The following AR variants were observed in gnomAD, a reference collection of about 807,000 sequenced individuals.
AR encodes the protein androgen receptor.
In AR, 8 loss-of-function variants were observed where a neutral mutation model predicts 53.9. The ratio of observed to expected loss-of-function variants is 0.15; its 90% CI spans 0.09 to 0.27. The LOEUF is 0.27. Ranked by LOEUF, AR falls within the 10% of genes least tolerant of loss-of-function variation. The probability of loss-of-function intolerance (pLI) is 1.00; values close to 1 mark genes in which losing one functional copy is unlikely to be tolerated. For missense variants in AR, 639 were observed against 742.5 expected (o/e 0.86, Z 1.62); for synonymous variants, 359 against 316.4 (o/e 1.13, Z -1.43).
At chrX:67,690,162 T>G (rs1325825666) in intron 3 of AR, among the ~76,000 whole-genome samples, 1 of 112,037 alleles carries the variant, frequency 8.9e-6, no homozygotes, top group Admixed American at 9.5e-5. Context: ...ACCTAGACCA[T>G]GTGAGAACCT....
intron 5 of AR, among the ~76,000 whole-genome samples, chrX:67,718,648 C>T (rs912224262): frequency 7.2e-5 from 8 of 110,438 alleles, no homozygotes. Flanking sequence ...TTTTTTTCCC[C>T]GAGATGGGGT....
At chrX:67,691,315 C>T (rs1257447531) in intron 3 of AR, among the ~76,000 whole-genome samples, 2 of 112,229 alleles carry the variant, frequency 1.8e-5, no homozygotes, top group African/African-American at 6.5e-5. Context: ...AGCCAGTTTC[C>T]TTGGTCTAGG....
Position 67,545,604 on chromosome X carries a change from C to A in AR, c.458C>A (p.Pro153Gln). The A allele has an allele frequency of 8.4e-7, 1 of 1,188,083 alleles. No individual in the cohort carries two copies. The highest frequency in any genetic ancestry group is 3.1e-5 in the East Asian group (1 of 32,570). ...CTGCCGCAGCAGCTGCCAGCACCTC[C>A]GGACGAGGATGACTCAGCTGCCCCA... ...KGLPQQLPAP[P>Q]DEDDSAAPST... The change falls in exon 1 of 8, where the codon CCG becomes CAG. Residue 153 changes from proline to glutamine, a missense_variant. Physicochemically the swap from Pro to Gln is moderately conservative, Grantham distance 76. Transcript: ENST00000374690.
intron 1 of AR, among the ~76,000 whole-genome samples, chrX:67,590,037 G>A (rs988826115): frequency 1.4e-4 from 16 of 111,435 alleles, no homozygotes; most frequent in African/African-American, 5.2e-4. Flanking sequence ...AAGCTACCTA[G>A]TCCAAAGTAC....
intron 1 of AR, among the ~76,000 whole-genome samples, chrX:67,577,335 T>C (rs901732831): frequency 1.8e-5 from 2 of 111,562 alleles, no homozygotes; most frequent in African/African-American, 6.5e-5. Context: ...TAATATTCCA[T>C]TGTATTAATG....
In AR at chrX:67,670,147, A is replaced by G. The variant is rs1204927281; in HGVS notation, c.1769-15863A>G. 9.1e-5 allele frequency among the ~76,000 whole-genome samples: 8 copies of G among 88,317 alleles called. No homozygotes were observed. In the East Asian group the frequency reaches 3.0e-3, roughly 33 times the overall value. 76.7% of individuals were successfully genotyped at this position (88,317 alleles called of 115,157 possible). ...GCCACCTGAGAAGTGTACATTACCC[A>G]TATATTATATATATACTATATATGC... On this transcript the variant is annotated intron_variant, in intron 2 of 7. Transcript: ENST00000374690.
rs896694278 is a variant in AR, at chrX:67,556,053, A to G, written c.1616+9291A>G. On this transcript the variant is annotated intron_variant, in intron 1 of 7. Coordinates refer to ENST00000374690, the MANE Select transcript of AR (RefSeq NM_000044.6). The stretch of plus-strand genomic sequence containing the variant: ...ACAGTGACACTGGATATATTCAAGT[A>G]GCACTGTCCAGTTTATAGAGAAGTT... Among the ~76,000 whole-genome samples the G allele has an allele frequency of 2.7e-5, 3 of 112,725 alleles. No individual in the cohort carries two copies. In the South Asian group the frequency reaches 1.1e-3, roughly 41 times the overall value.
In AR at chrX:67,726,571, G is replaced by A. The variant is rs897951001; in HGVS notation, c.*2730G>A. On this transcript the variant is annotated 3_prime_UTR_variant, in exon 8 of 8. Coordinates refer to ENST00000374690, the MANE Select transcript of AR (RefSeq NM_000044.6). The stretch of plus-strand genomic sequence containing the variant: ...GCAAAAGCCAAAAATCAGTGAAACA[G>A]CAGTGTAATTAAAAGCAACAACTGG... 2.3e-5 allele frequency: 4 copies of A among 174,222 alleles called. No individual in the cohort carries two copies. Among genetic ancestry groups the A allele is most frequent in the African/African-American group, 1.2e-4 (4 of 33,969 alleles). The allele number at this position is 174,222 out of a possible 1,213,427, so 14.4% of individuals were successfully genotyped here.
chrX:67,674,976 A>G (rs1320022696), intron 2 of AR, among the ~76,000 whole-genome samples: 1 of 111,110 alleles, frequency 9.0e-6, no homozygotes, highest in African/African-American at 3.3e-5. Flanking sequence ...CACACTGATT[A>G]TTCAGGGCCC....
chrX:67,723,312 CTGTGTGTGTGTGTGTGTGTG>C (rs796606484), intron 7 of AR, among the ~76,000 whole-genome samples: 1 of 78,009 alleles, frequency 1.3e-5, no homozygotes, highest in African/African-American at 5.4e-5. Context: ...GTTTGTCTGT[CTGTGTGTGTGTGTGTGTGTG>C]TGTGTGTGTG....
At chrX:67,720,910 G>T (rs976844649) in intron 5 of AR, among the ~76,000 whole-genome samples, 28 of 107,087 alleles carry the variant, frequency 2.6e-4, no homozygotes, top group Non-Finnish European at 5.2e-4. Context: ...ACACACACAC[G>T]ATTTTTGAAG....
intron 1 of AR, among the ~76,000 whole-genome samples, chrX:67,574,851 G>A (rs1921978979): frequency 9.0e-6 from 1 of 111,202 alleles, no homozygotes; most frequent in Admixed American, 9.6e-5. Flanking sequence ...AACTCAAAGC[G>A]GCATTTTTTT....
rs1428213936 is a variant in AR at position 67,724,887 on chromosome X, C to T, written c.*1046C>T. ...CAGAGATTTAACCCTTTGTAAGGCC[C>T]CATTTGGATCCAGGTCTGCTTTCTC... On this transcript the variant is annotated 3_prime_UTR_variant, in exon 8 of 8. Coordinates refer to ENST00000374690, the MANE Select transcript of AR (RefSeq NM_000044.6). 1.2e-5 allele frequency: 2 copies of T among 172,340 alleles called. No homozygotes were observed. Among genetic ancestry groups the T allele is most frequent in the African/African-American group, 6.0e-5 (2 of 33,287 alleles). 14.2% of individuals were successfully genotyped at this position (172,340 alleles called of 1,213,427 possible).
At chrX:67,670,380 A>G (rs1438836631) in intron 2 of AR, among the ~76,000 whole-genome samples, 1 of 102,078 alleles carries the variant, frequency 9.8e-6, no homozygotes, top group Non-Finnish European at 2.0e-5. Context: ...TTTTAAAAAT[A>G]TTTTAAAATA....
At chrX:67,711,856 G>A (rs1466006974) in intron 4 of AR, among the ~76,000 whole-genome samples, 167 bp downstream of exon 4, 2 of 111,917 alleles carry the variant, frequency 1.8e-5, no homozygotes, top group Non-Finnish European at 3.8e-5. Context: ...AACATACAGG[G>A]ATCGAAACTC....
intron 5 of AR, among the ~76,000 whole-genome samples, chrX:67,718,200 G>T (rs2147531932): frequency 9.0e-6 from 1 of 111,722 alleles, no homozygotes; most frequent in South Asian, 3.8e-4. Flanking sequence ...TTGGAGACAA[G>T]ATTCAAACGT....
chrX:67,674,614 C>T (rs1251184238), intron 2 of AR, among the ~76,000 whole-genome samples: 1 of 111,570 alleles, frequency 9.0e-6, no homozygotes, highest in Non-Finnish European at 1.9e-5. Flanking sequence ...GTCTGGCTAC[C>T]ACCAATCTTC....
intron 1 of AR, among the ~76,000 whole-genome samples, chrX:67,625,959 G>A (rs777448662): frequency 9.0e-6 from 1 of 111,100 alleles, no homozygotes; most frequent in Non-Finnish European, 1.9e-5. Context: ...CAAAGTAGGT[G>A]TGTATATTTA....
At chrX:67,640,267 T>C (rs951579600) in intron 1 of AR, among the ~76,000 whole-genome samples, 10 of 111,549 alleles carry the variant, frequency 9.0e-5, no homozygotes, top group Non-Finnish European at 1.7e-4. Context: ...TCAGGGTTAT[T>C]GGCCTGACGT....
Sources: gnomAD v4.1 joint callset for allele counts (sites outside exome capture counted in the v4.1 genomes callset) on GRCh38, gnomAD v4.1.1 for gene constraint, MANE v1.5 for transcripts, NCBI Gene and HGNC (gene_info 2026-07-23, HGNC 2026-07-21) for gene names.